The following RRAGC variants were observed in gnomAD, a reference collection of about 807,000 sequenced individuals.
The protein encoded by RRAGC is ras-related GTP-binding protein C.
RRAGC carries 8 observed loss-of-function variants against 37.1 expected under a neutral mutation model. The observed-to-expected ratio is 0.22, with a 90% confidence interval of 0.13 to 0.39. RRAGC has a LOEUF of 0.39. Ranked by LOEUF, RRAGC falls within the 10% of genes least tolerant of loss-of-function variation. The pLI, the probability that RRAGC is intolerant of heterozygous loss-of-function variation, is 1.00. For synonymous variants in RRAGC, 190 were observed against 181.1 expected, an observed-to-expected ratio of 1.05 and a Z score of -0.39; for missense variants, 342 against 497.6, an observed-to-expected ratio of 0.69 and a Z score of 2.98.
In RRAGC at chr1:38,859,661, C is replaced by A; in HGVS notation, c.-15G>T. 6.5e-7 allele frequency: 1 copy of A among 1,533,544 alleles called. No homozygotes were observed. Among genetic ancestry groups the A allele is most frequent in the Non-Finnish European group, 8.8e-7 (1 of 1,140,148 alleles). 95.0% of individuals were successfully genotyped at this position (1,533,544 alleles called of 1,614,324 possible). A position where few individuals can be genotyped will look rare whatever the true frequency, so the allele number is the denominator to read the frequency against. On this transcript the variant is annotated 5_prime_UTR_variant, in exon 1 of 7. Transcript: ENST00000373001. ...TGCAGGGACATGGTGCTGGAGCCGCCGCCGCCCGCGCCCTGACAGGCCAGG... is the reference window on the plus strand; with the variant it reads ...TGCAGGGACATGGTGCTGGAGCCGCAGCCGCCCGCGCCCTGACAGGCCAGG...
chr1:38,838,908 A>G lies in RRAGC; in HGVS notation c.*645T>C, dbSNP rs978423789. ...AGGTGCAAAAATTTTCTTCCATTTCAAAGTTTTTTCAATACTTCCGAGGGA... is the reference window on the plus strand; with the variant it reads ...AGGTGCAAAAATTTTCTTCCATTTCGAAGTTTTTTCAATACTTCCGAGGGA... On this transcript the variant is annotated 3_prime_UTR_variant, in exon 7 of 7. Coordinates refer to ENST00000373001, the MANE Select transcript of RRAGC (RefSeq NM_022157.4). The G allele has an allele frequency of 6.6e-6, 1 of 152,238 alleles. No homozygotes were observed. The highest frequency in any genetic ancestry group is 6.5e-5 in the Admixed American group (1 of 15,284). The allele number at this position is 152,238 out of a possible 1,614,324, so 9.4% of individuals were successfully genotyped here.
chr1:38,846,122 T>C, intron 5 of RRAGC, 35 bp from the exon 6 acceptor site: 6 of 1,554,720 alleles, frequency 3.9e-6, no homozygotes, highest in Non-Finnish European at 5.3e-6. Flanking sequence ...ATTACAGGTT[T>C]CCCATCTAGG....
Position 38,839,608 on chromosome 1 carries a change from C to T in RRAGC, c.1145G>A (p.Ser382Asn). 6.2e-7 allele frequency: 1 copy of T among 1,614,128 alleles called. No homozygotes were observed. Among genetic ancestry groups the T allele is most frequent in the Non-Finnish European group, 8.5e-7 (1 of 1,180,026 alleles). The stretch of plus-strand genomic sequence containing the variant: ...TGTCAGCGCTTTCAGACTGGAGGCA[C>T]TAGTCTGGTGACCACAGCTCCTGTG... ...TSHRSCGHQT[S>N]ASSLKALTHN... is the part of the protein sequence containing the mutation. The change falls in exon 7 of 7, where the codon AGT becomes AAT. Residue 382 changes from serine to asparagine, a missense_variant. Physicochemically the swap from Ser to Asn is conservative, Grantham distance 46 (BLOSUM62 1). Transcript: ENST00000373001.
At position 38,856,917 on chromosome 1, in the gene RRAGC, T is replaced by C; in HGVS notation, c.403A>G (p.Arg135Gly). ...ACGTATATCAATGCTCCTGTTCCCC[T>C]GAAGATCATCTCATAGTCAAAGGTT... ...DPTFDYEMIF[R>G]GTGALIYVID... The change falls in exon 2 of 7, where the codon AGG becomes GGG. Residue 135 changes from arginine (R) to glycine (G), a missense_variant. Physicochemically the swap from Arg to Gly is moderately radical, Grantham distance 125 (BLOSUM62 -2). Coordinates refer to ENST00000373001, the MANE Select transcript of RRAGC (RefSeq NM_022157.4). 1 of 1,614,170 alleles carries C rather than the reference T, an allele frequency of 6.2e-7. No individual in the cohort carries two copies. The highest frequency in any genetic ancestry group is 8.5e-7 in the Non-Finnish European group (1 of 1,180,022).
At position 38,845,985 on chromosome 1, in the gene RRAGC, A is replaced by G; in HGVS notation, c.1002T>C (p.Phe334=). The G allele has an allele frequency of 6.2e-7, 1 of 1,613,478 alleles. No homozygotes were observed. Among genetic ancestry groups the G allele is most frequent in the Non-Finnish European group, 8.5e-7 (1 of 1,179,664 alleles). ...CCCTTAGAATGCAGACCAGTGCCAAAAATTTAGTCACCTCCTTTAAATAAA... is the reference window on the plus strand; with the variant it reads ...CCCTTAGAATGCAGACCAGTGCCAAGAATTTAGTCACCTCCTTTAAATAAA... ...TVLYLKEVTK[F]LALVCILREE... is the part of the protein sequence containing the mutation. The change falls in exon 6 of 7, where the codon TTT becomes TTC. Residue 334 remains phenylalanine, a synonymous_variant. Transcript: ENST00000373001.
chr1:38,850,087 T>C (rs1642080502), intron 5 of RRAGC, among the ~76,000 whole-genome samples: 1 of 151,974 alleles, frequency 6.6e-6, no homozygotes, highest in African/African-American at 2.4e-5. Context: ...GCACCTATAA[T>C]CCCAGCTACT....
At chr1:38,858,323 A>T (rs1052958190) in intron 1 of RRAGC, among the ~76,000 whole-genome samples, 3 of 152,176 alleles carry the variant, frequency 2.0e-5, no homozygotes, top group African/African-American at 7.2e-5. Flanking sequence ...GTGCCTGCTG[A>T]TACTAGTTTT....
chr1:38,855,874 T>G lies in RRAGC; in HGVS notation c.475A>C (p.Ile159Leu), dbSNP rs762245538. The change falls in exon 3 of 7, where the codon ATT (isoleucine) becomes CTT (leucine). Residue 159 changes from isoleucine (I) to leucine (L), a missense_variant. By Grantham distance (5) the Ile-to-Leu change is conservative. Around this residue, in one of 3 missense-constraint regions of RRAGC, gnomAD observed 134 missense variants for 277.2 expected, o/e 0.48. Transcript: ENST00000373001. ...DYMEALTRLH[I>L]TVSKAYKVNP... ...ACTTTGTAGGCTTTAGAAACAGTAA[T>G]GTGAAGTCTTGTTAAAGCCTCCATG... 1.2e-6 allele frequency: 2 copies of G among 1,613,686 alleles called. No individual in the cohort carries two copies. The highest frequency in any genetic ancestry group is 1.7e-5 in the Admixed American group (1 of 60,002).
At chr1:38,840,418 G>A (rs1358218426) in intron 6 of RRAGC, among the ~76,000 whole-genome samples, 2 of 152,150 alleles carry the variant, frequency 1.3e-5, no homozygotes, top group African/African-American at 4.8e-5. Context: ...ACGATAGAGG[G>A]TACAATATGT....
At position 38,855,762 on chromosome 1, in the gene RRAGC, T is replaced by C. The variant is rs2124232841; in HGVS notation, c.587A>G (p.His196Arg). ...DHKIETQRDI[H>R]QRANDDLADA... Reference sequence around the variant, plus strand: ...TGCAAGGTCATCATTGGCCCTTTGATGAATGTCCCTCTGTGTTTCTATTTT... The same window carrying C: ...TGCAAGGTCATCATTGGCCCTTTGACGAATGTCCCTCTGTGTTTCTATTTT... The change falls in exon 3 of 7, where the codon CAT (histidine) becomes CGT (arginine). Residue 196 changes from histidine to arginine, a missense_variant. Physicochemically the swap from His to Arg is conservative, Grantham distance 29 (BLOSUM62 0). This residue lies in a region of RRAGC where 134 missense variants were observed against 277.2 expected (regional missense o/e 0.48). Transcript: ENST00000373001. 6.2e-7 allele frequency: 1 copy of C among 1,614,158 alleles called. No homozygotes were observed. The highest frequency in any genetic ancestry group is 8.5e-7 in the Non-Finnish European group (1 of 1,180,000).
intron 5 of RRAGC, among the ~76,000 whole-genome samples, chr1:38,851,300 A>G (rs1642098736): frequency 6.6e-6 from 1 of 152,110 alleles, no homozygotes. Flanking sequence ...TAGTTTTTCA[A>G]TCTAACTAAG....
At chr1:38,848,442 T>C (rs1426071147) in intron 5 of RRAGC, among the ~76,000 whole-genome samples, 2 of 152,076 alleles carry the variant, frequency 1.3e-5, no homozygotes, top group African/African-American at 2.4e-5. Context: ...AAGCTCCTAA[T>C]GTCAAGCCAG....
intron 5 of RRAGC, among the ~76,000 whole-genome samples, chr1:38,850,519 TA>T (rs1335111172): frequency 1.4e-5 from 2 of 144,870 alleles, no homozygotes; most frequent in African/African-American, 5.6e-5. Flanking sequence ...GTTTAATAAA[TA>T]AATAAATAAA....
Position 38,859,571 on chromosome 1 carries a change from A to G in RRAGC, c.76T>C (p.Phe26Leu). The G allele has an allele frequency of 6.4e-7, 1 of 1,559,682 alleles. No individual in the cohort carries two copies. Among genetic ancestry groups the G allele is most frequent in the Non-Finnish European group, 8.7e-7 (1 of 1,153,284 alleles). The change falls in exon 1 of 7, where the codon TTC becomes CTC. Residue 26 changes from phenylalanine (F) to leucine (L), a missense_variant. By Grantham distance (22) the Phe-to-Leu change is conservative. This residue lies in a region of RRAGC where 104 missense variants were observed against 93.4 expected (regional missense o/e 1.11). Transcript: ENST00000373001. ...TCCTCCTCCTCCACGCCGTAGCCGA[A>G]GTCCTTTGGAAACGAATCGGCCGCG... Reference protein sequence around the residue: ...YGAADSFPKDFGYGVEEEEEE... With the variant: ...YGAADSFPKDLGYGVEEEEEE...
intron 5 of RRAGC, 84 bp from the exon 6 acceptor site, chr1:38,846,171 G>T: frequency 9.4e-7 from 1 of 1,068,604 alleles, no homozygotes; most frequent in Non-Finnish European, 1.4e-6. Flanking sequence ...CATCCACCCA[G>T]TTTCCCAAAT....
intron 5 of RRAGC, among the ~76,000 whole-genome samples, chr1:38,848,989 G>A (rs1642061753): frequency 6.6e-6 from 1 of 151,952 alleles, no homozygotes; most frequent in African/African-American, 2.4e-5. Flanking sequence ...ACTCAGCCAG[G>A]CATGATGGCA....
At chr1:38,851,498 C>A in intron 5 of RRAGC, 117 bp downstream of exon 5, 1 of 905,592 alleles carries the variant, frequency 1.1e-6, no homozygotes, top group Non-Finnish European at 1.6e-6. Flanking sequence ...ATGGTCAGAA[C>A]AATCCCAGTT....
At chr1:38,856,537 T>C (rs1378223358) in intron 2 of RRAGC, among the ~76,000 whole-genome samples, 1 of 152,246 alleles carries the variant, frequency 6.6e-6, no homozygotes, top group East Asian at 1.9e-4. Context: ...AGTTCTCATA[T>C]TCCTCTTTAT....
intron 6 of RRAGC, 41 bp from the exon 7 acceptor site, chr1:38,839,745 A>C: frequency 2.5e-6 from 4 of 1,594,368 alleles, no homozygotes; most frequent in Non-Finnish European, 3.4e-6. Flanking sequence ...CTGAATTGTC[A>C]ATTGTGAAAT....
Sources: allele counts gnomAD v4.1 joint callset (sites outside exome capture counted in the v4.1 genomes callset), GRCh38; gene constraint gnomAD v4.1.1; regional missense constraint gnomAD v4.1.1; transcripts MANE v1.5; gene names NCBI Gene and HGNC (gene_info 2026-07-23, HGNC 2026-07-21).